The following GSR variants were observed in gnomAD, a reference collection of about 807,000 sequenced individuals.
GSR encodes the protein glutathione reductase, mitochondrial.
A neutral mutation model predicts 56.5 loss-of-function variants in GSR; 48 were observed. That is an observed-to-expected ratio of 0.85 (90% CI 0.67 to 1.08). GSR has a LOEUF of 1.08. Ranked by LOEUF, GSR falls within the 50% of genes least tolerant of loss-of-function variation. The pLI, the probability that GSR is intolerant of heterozygous loss-of-function variation, is 0.00. For synonymous variants in GSR, 264 were observed against 270.8 expected (o/e 0.97, Z 0.25); for missense variants, 694 against 703.3 (o/e 0.99, Z 0.15).
chr8:30,684,083 C>A lies in GSR; in HGVS notation c.1153+5G>T. The stretch of plus-strand genomic sequence containing the variant: ...CTCCCTCACCAAGAAGGGAAGAGAC[C>A]TTACCTGGAGTAAGAAGAGCTTTTC... On this transcript the variant is annotated splice_donor_5th_base_variant and intron_variant, in intron 10 of 12. Transcript: ENST00000221130. The A allele has an allele frequency of 6.9e-7, 1 of 1,452,184 alleles. No individual in the cohort carries two copies. The allele number at this position is 1,452,184 out of a possible 1,614,324, so 90.0% of individuals were successfully genotyped here. A position where few individuals can be genotyped will look rare whatever the true frequency, so the allele number is the denominator to read the frequency against.
At chr8:30,687,021 G>A (rs187261268) in intron 9 of GSR, among the ~76,000 whole-genome samples, 247 of 151,878 alleles carry the variant, frequency 1.6e-3, no homozygotes, top group African/African-American at 5.7e-3. Context: ...ATTATTAGTA[G>A]AGACGGCATT....
chr8:30,688,232 C>T lies in GSR; in HGVS notation c.1041+929G>A, dbSNP rs535805055. ...CAGCATAGGACTTGAAAGAGACATT[C>T]ACATAGCAAAAACGAAGTCTGTAAG... is the stretch of plus-strand genomic sequence containing the variant. On this transcript the variant is annotated intron_variant, in intron 9 of 12. Coordinates refer to ENST00000221130, the MANE Select transcript of GSR (RefSeq NM_000637.5). Among the ~76,000 whole-genome samples, 319 of 152,246 alleles carry T rather than the reference C, an allele frequency of 2.1e-3. 2 individuals carry two copies. The highest frequency in any genetic ancestry group is 7.2e-3 in the African/African-American group (301 of 41,554).
In GSR at chr8:30,719,762, G is replaced by A. The variant is rs1175594681; in HGVS notation, c.307-7674C>T. Reference sequence around the variant, plus strand: ...GCCTGTTATCTGGTGATAACAGGTGGCAAAATTCAGAAGCTTCACCATTTT... The same window carrying A: ...GCCTGTTATCTGGTGATAACAGGTGACAAAATTCAGAAGCTTCACCATTTT... On this transcript the variant is annotated intron_variant, in intron 1 of 12. Transcript: ENST00000221130. Among the ~76,000 whole-genome samples, 3 of 152,230 alleles carry A rather than the reference G, an allele frequency of 2.0e-5. No homozygotes were observed. In the East Asian group the frequency reaches 5.8e-4, roughly 29 times the overall value.
rs563559834 is a variant in GSR at position 30,718,789 on chromosome 8, G to A, written c.307-6701C>T. ...TTTTGAGACAGAGTCTCACTCTGTC[G>A]CCCAGACTGGAGTGTGCAGTGACAC... On this transcript the variant is annotated intron_variant, in intron 1 of 12. Transcript: ENST00000221130. 8.4e-4 allele frequency among the ~76,000 whole-genome samples: 127 copies of A among 151,940 alleles called. 1 individual carries two copies. The South Asian group carries it at 0.01, about 12-fold the overall frequency.
At chr8:30,681,362 T>A (rs768972567) in intron 11 of GSR, among the ~76,000 whole-genome samples, 24 of 151,886 alleles carry the variant, frequency 1.6e-4, no homozygotes, top group Non-Finnish European at 3.2e-4. Flanking sequence ...AAACCCCATC[T>A]CTACAAAAAA....
intron 5 of GSR, among the ~76,000 whole-genome samples, chr8:30,701,327 G>A (rs1023378916): frequency 5.3e-5 from 8 of 152,088 alleles, no homozygotes; most frequent in Non-Finnish European, 1.2e-4. Context: ...TTAGCTGAGT[G>A]TGGTGGCGCA....
chr8:30,724,544 C>CT (rs56145808), intron 1 of GSR, among the ~76,000 whole-genome samples: 6,535 of 84,188 alleles, frequency 0.078, 1,267 homozygotes, highest in African/African-American at 0.26. Context: ...AACCCCCCAC[C>CT]TTTTTTTTTT....
At chr8:30,710,886 A>T (rs891558148) in intron 2 of GSR, among the ~76,000 whole-genome samples, 17 of 150,958 alleles carry the variant, frequency 1.1e-4, no homozygotes, top group Admixed American at 5.3e-4. Context: ...TGGTATATTT[A>T]AAAAAAAATA....
In GSR at chr8:30,679,484, T is replaced by C. The variant is rs1802866938; in HGVS notation, c.*36A>G. Reference sequence around the variant, plus strand: ...TATTTGTTTCATTTCAGAAGATCTATGGGTCCCACTGCCCGCCACACGTGT... The same window carrying C: ...TATTTGTTTCATTTCAGAAGATCTACGGGTCCCACTGCCCGCCACACGTGT... On this transcript the variant is annotated 3_prime_UTR_variant, in exon 13 of 13. Coordinates refer to ENST00000221130, the MANE Select transcript of GSR (RefSeq NM_000637.5). 2 of 1,597,624 alleles carry C rather than the reference T, an allele frequency of 1.3e-6. No individual in the cohort carries two copies. The highest frequency in any genetic ancestry group is 1.7e-6 in the Non-Finnish European group (2 of 1,165,230).
At chr8:30,690,478 A>C (rs1036270916) in intron 8 of GSR, among the ~76,000 whole-genome samples, 1 of 152,060 alleles carries the variant, frequency 6.6e-6, no homozygotes, top group African/African-American at 2.4e-5. Context: ...TATATTCTTA[A>C]TTGGAATGAA....
intron 6 of GSR, 85 bp from the exon 7 acceptor site, chr8:30,696,564 A>C: frequency 4.4e-6 from 4 of 901,342 alleles, no homozygotes; most frequent in Non-Finnish European, 7.5e-6. Flanking sequence ...CAGAGATAGT[A>C]CAGAGATTTC....
chr8:30,679,667 C>T lies in GSR; in HGVS notation c.1422G>A (p.Val474=). The change falls in exon 13 of 13, where the codon GTG becomes GTA. Residue 474 remains valine (V), a splice_region_variant and synonymous_variant. Transcript: ENST00000221130. ...CAAGTCCCTGCATATGGATCCCAACCACCTGGGAAAAGAAGAGAAACATTT... is the reference window on the plus strand; with the variant it reads ...CAAGTCCCTGCATATGGATCCCAACTACCTGGGAAAAGAAGAGAAACATTT... The part of the protein sequence containing the change: ...KMVCANKEEK[V]VGIHMQGLGC... 2.5e-6 allele frequency: 4 copies of T among 1,613,052 alleles called. No individual in the cohort carries two copies. The highest frequency in any genetic ancestry group is 1.1e-5 in the South Asian group (1 of 91,036).
intron 8 of GSR, among the ~76,000 whole-genome samples, chr8:30,692,587 C>T (rs1212831612): frequency 1.3e-5 from 2 of 149,942 alleles, no homozygotes; most frequent in African/African-American, 4.9e-5. Context: ...CTGCAACCTC[C>T]ACCTTCTGGG....
rs940285332 is a variant in GSR at position 30,678,703 on chromosome 8, G to A, written c.*817C>T. On this transcript the variant is annotated 3_prime_UTR_variant, in exon 13 of 13. Coordinates refer to ENST00000221130, the MANE Select transcript of GSR (RefSeq NM_000637.5). ...CATTAAAAAAGAAAAAAGAAAATAA[G>A]GCAGGCCGGCTTCTCACATTACATG... is the stretch of plus-strand genomic sequence containing the variant. 6.6e-6 allele frequency: 1 copy of A among 151,928 alleles called. No homozygotes were observed. Among genetic ancestry groups the A allele is most frequent in the Non-Finnish European group, 1.5e-5 (1 of 67,996 alleles). The allele number at this position is 151,928 out of a possible 1,614,324, so 9.4% of individuals were successfully genotyped here.
Position 30,727,664 on chromosome 8 carries a change from C to G in GSR, c.172G>C (p.Ala58Pro). 6.9e-7 allele frequency: 1 copy of G among 1,449,608 alleles called. No homozygotes were observed. The highest frequency in any genetic ancestry group is 1.4e-5 in the South Asian group (1 of 72,512). 89.8% of individuals were successfully genotyped at this position (1,449,608 alleles called of 1,614,324 possible). ...QEPQPQGPPP[A>P]AGAVASYDYL... ...TCATAGGAGGCCACGGCGCCAGCAG[C>G]GGGCGGCGGGCCCTGCGGCTGCGGC... Residue 58 changes from alanine (A) to proline (P), a missense_variant, in exon 1 of 13, where the codon GCT becomes CCT. Physicochemically the swap from Ala to Pro is conservative, Grantham distance 27. Coordinates refer to ENST00000221130, the MANE Select transcript of GSR (RefSeq NM_000637.5).
intron 5 of GSR, among the ~76,000 whole-genome samples, chr8:30,701,603 A>G (rs1393620627): frequency 6.6e-6 from 1 of 150,746 alleles, no homozygotes; most frequent in Non-Finnish European, 1.5e-5. Context: ...TGGCCTGGAC[A>G]ACGTGGCAAA....
At chr8:30,702,796 G>C (rs1035781156) in intron 5 of GSR, among the ~76,000 whole-genome samples, 2 of 152,180 alleles carry the variant, frequency 1.3e-5, no homozygotes, top group Non-Finnish European at 2.9e-5. Context: ...AACTAGCCAA[G>C]TGTGGTGGTG....
intron 9 of GSR, among the ~76,000 whole-genome samples, chr8:30,684,688 C>A (rs1803093506): frequency 6.6e-6 from 1 of 152,096 alleles, no homozygotes; most frequent in South Asian, 2.1e-4. Flanking sequence ...TTCAACTTGT[C>A]CCATGGAAGC....
At chr8:30,711,511 T>C (rs1305639366) in intron 2 of GSR, among the ~76,000 whole-genome samples, 1 of 152,190 alleles carries the variant, frequency 6.6e-6, no homozygotes, top group Non-Finnish European at 1.5e-5. Flanking sequence ...GTCTTTTTGC[T>C]GAGAAAAAAC....
Sources: gnomAD v4.1 joint callset for allele counts (sites outside exome capture counted in the v4.1 genomes callset) on GRCh38, gnomAD v4.1.1 for gene constraint, MANE v1.5 for transcripts, NCBI Gene and HGNC (gene_info 2026-07-23, HGNC 2026-07-21) for gene names.